Variants in KCNK5 observed in about 807,000 individuals in gnomAD.
KCNK5 encodes the protein potassium channel subfamily K member 5.
A neutral mutation model predicts 32.9 loss-of-function variants in KCNK5; 18 were observed. The ratio of observed to expected loss-of-function variants is 0.55; its 90% confidence interval spans 0.38 to 0.81. The LOEUF is 0.81. KCNK5 is among the 30% of genes least tolerant of loss of function. KCNK5 has a pLI of 0.00. For synonymous variants in KCNK5, 276 were observed against 275.3 expected, an observed-to-expected ratio of 1.00 and a Z score of -0.03; for missense variants, 507 against 651.0, an observed-to-expected ratio of 0.78 and a Z score of 2.41.
At chr6:39,222,444 G>C (rs559133076) in intron 1 of KCNK5, among the ~76,000 whole-genome samples, 1 of 152,200 alleles carries the variant, frequency 6.6e-6, no homozygotes, top group Non-Finnish European at 1.5e-5. Context: ...CTTCTTTTAA[G>C]CTGTAAATGG....
chr6:39,194,693 C>T lies in KCNK5; in HGVS notation c.366G>A (p.Gly122=), dbSNP rs142734464. ...RLFCVFYGLF[G]VPLCLTWISA... is the part of the protein sequence containing the mutation. ...TGATCCACGTCAGGCAGAGCGGCAC[C>T]CCGAAGAGACCATAGAAAACACAGA... Residue 122 remains glycine (G), a synonymous_variant, in exon 3 of 5, where the codon GGG becomes GGA. Coordinates refer to ENST00000359534, the MANE Select transcript of KCNK5 (RefSeq NM_003740.4). The surrounding 1 kb of genome is among the most constrained non-coding windows in gnomAD (Gnocchi z 4.7). The T allele has an allele frequency of 4.7e-5, 76 of 1,614,042 alleles. No homozygotes were observed. Among genetic ancestry groups the T allele is most frequent in the Middle Eastern group, 1.6e-4 (1 of 6,062 alleles).
chr6:39,221,801 T>C (rs1771557016), intron 1 of KCNK5, among the ~76,000 whole-genome samples: 1 of 151,982 alleles, frequency 6.6e-6, no homozygotes, highest in African/African-American at 2.4e-5. Context: ...AAACAGAAAA[T>C]GAATCCCCCC....
Position 39,229,220 on chromosome 6 carries a change from T to G in KCNK5, c.-109A>C. 9.0e-7 allele frequency: 1 copy of G among 1,117,192 alleles called. No homozygotes were observed. Among genetic ancestry groups the G allele is most frequent in the African/African-American group, 1.6e-5 (1 of 64,468 alleles). 69.2% of individuals were successfully genotyped at this position (1,117,192 alleles called of 1,614,324 possible). The stretch of plus-strand genomic sequence containing the variant: ...AGCTGTTTGAATTTGGAGCTCCGCA[T>G]GCGCAGTGCCCGGTACTCACCCCCC... On this transcript the variant is annotated 5_prime_UTR_variant, in exon 1 of 5. It removes an upstream start codon present in the reference 5' UTR. Coordinates refer to ENST00000359534, the MANE Select transcript of KCNK5 (RefSeq NM_003740.4).
chr6:39,218,070 CT>C (rs796153225), intron 1 of KCNK5, among the ~76,000 whole-genome samples: 6,375 of 130,296 alleles, frequency 0.049, 122 homozygotes, highest in Admixed American at 0.091. Context: ...ACTTACAGGC[CT>C]TTTTTTTTTT....
chr6:39,194,352 G>A lies in KCNK5; in HGVS notation c.466-15C>T, dbSNP rs925680031. On this transcript the variant is annotated splice_polypyrimidine_tract_variant and intron_variant, in intron 3 of 4. Transcript: ENST00000359534. The surrounding 1 kb of genome is among the most constrained non-coding windows in gnomAD (Gnocchi z 4.7). ...TGCGCCTTCCGCTGATGGGGAGCAG[G>A]AGGCCAAGTCAGAGAATAGTGGAGA... 1 of 1,589,860 alleles carries A rather than the reference G, an allele frequency of 6.3e-7. No homozygotes were observed. Among genetic ancestry groups the A allele is most frequent in the African/African-American group, 1.3e-5 (1 of 74,598 alleles).
intron 4 of KCNK5, among the ~76,000 whole-genome samples, chr6:39,193,586 G>A (rs1770979003): frequency 6.6e-6 from 1 of 152,246 alleles, no homozygotes; most frequent in Non-Finnish European, 1.5e-5. Context: ...TTCAGACAAA[G>A]GGGCCAAAGA....
At chr6:39,199,345 G>T (rs1353652396) in intron 1 of KCNK5, among the ~76,000 whole-genome samples, 1 of 152,202 alleles carries the variant, frequency 6.6e-6, no homozygotes, top group African/African-American at 2.4e-5. Flanking sequence ...GGAAGAGCTG[G>T]GCTTTCTACC....
chr6:39,191,443 C>T lies in KCNK5; in HGVS notation c.947G>A (p.Ser316Asn), dbSNP rs758235298. Residue 316 changes from serine to asparagine, a missense_variant, in exon 5 of 5, where the codon AGC becomes AAC. Ser to Asn is a conservative substitution (Grantham distance 46). Transcript: ENST00000359534. The surrounding 1 kb of genome is among the most constrained non-coding windows in gnomAD (Gnocchi z 5.8). Reference sequence around the variant, plus strand: ...GCCCGGGCCCGTCTCCCCACCCCCGCTTGTCTTCATGGCCTTCTTCCCGAT... The same window carrying T: ...GCCCGGGCCCGTCTCCCCACCCCCGTTTGTCTTCATGGCCTTCTTCCCGAT... Reference protein sequence around the residue: ...KQIGKKAMKTSGGGETGPGPG... With the variant: ...KQIGKKAMKTNGGGETGPGPG... 2 of 1,613,458 alleles carry T rather than the reference C, an allele frequency of 1.2e-6. No individual in the cohort carries two copies. The highest frequency in any genetic ancestry group is 1.7e-6 in the Non-Finnish European group (2 of 1,179,958).
Position 39,191,801 on chromosome 6 carries a change from C to G in KCNK5, c.635-46G>C, listed in dbSNP as rs764343563. ...GAGGTCAGGAAGAGTTAGCAGGGCC[C>G]GGGAAATGTGCAATGGCCAATGCTG... On this transcript the variant is annotated intron_variant, in intron 4 of 4. Coordinates refer to ENST00000359534, the MANE Select transcript of KCNK5 (RefSeq NM_003740.4). This position sits in a 1 kb window ranked among gnomAD's most constrained non-coding sequence, Gnocchi z 5.8. 1.3e-6 allele frequency: 2 copies of G among 1,578,172 alleles called. No homozygotes were observed. The highest frequency in any genetic ancestry group is 1.7e-6 in the Non-Finnish European group (2 of 1,160,946).
At chr6:39,203,545 C>T (rs946162747) in intron 1 of KCNK5, among the ~76,000 whole-genome samples, 3 of 152,230 alleles carry the variant, frequency 2.0e-5, no homozygotes, top group Non-Finnish European at 4.4e-5. Flanking sequence ...CCCCCCATCA[C>T]CCCTGGCAGC....
intron 1 of KCNK5, among the ~76,000 whole-genome samples, chr6:39,211,941 A>T (rs141337376): frequency 0.032 from 4,924 of 151,958 alleles, 134 homozygotes; most frequent in Middle Eastern, 0.075. Context: ...TCCAGCCTGG[A>T]CAACAAGAGC....
chr6:39,197,925 G>A (rs960486247), intron 1 of KCNK5, among the ~76,000 whole-genome samples: 21 of 152,222 alleles, frequency 1.4e-4, no homozygotes, highest in Non-Finnish European at 2.8e-4. Context: ...CAGAAGACAA[G>A]CTGTTCCCAT....
intron 1 of KCNK5, among the ~76,000 whole-genome samples, chr6:39,207,212 C>G (rs9471001): frequency 0.092 from 13,960 of 152,242 alleles, 822 homozygotes; most frequent in South Asian, 0.18. Context: ...ATTAAGCCTC[C>G]GTCCCGCTCC....
At chr6:39,203,715 G>T (rs1290715845) in intron 1 of KCNK5, among the ~76,000 whole-genome samples, 2 of 152,202 alleles carry the variant, frequency 1.3e-5, no homozygotes, top group African/African-American at 4.8e-5. Context: ...TCCCCTTGGA[G>T]GTTAAATAAA....
intron 1 of KCNK5, among the ~76,000 whole-genome samples, chr6:39,223,529 C>T (rs1771598202): frequency 6.6e-6 from 1 of 152,214 alleles, no homozygotes; most frequent in African/African-American, 2.4e-5. Context: ...ATGTGCTTTC[C>T]TATGGTCTCC....
chr6:39,212,002 G>GGCAGGCCAGGCACGGCGGC (rs1305854704), intron 1 of KCNK5, among the ~76,000 whole-genome samples: 20 of 151,944 alleles, frequency 1.3e-4, no homozygotes, highest in Non-Finnish European at 2.6e-4. Context: ...AAATTAAGCA[G>GGCAGGCCAGGCACGGCGGC]GCAGGCCAGG....
chr6:39,210,745 T>C (rs979142432), intron 1 of KCNK5, among the ~76,000 whole-genome samples: 1 of 151,988 alleles, frequency 6.6e-6, no homozygotes, highest in Non-Finnish European at 1.5e-5. Context: ...AAGAGGGACA[T>C]GACAGCAGAA....
chr6:39,212,037 C>T (rs1771352395), intron 1 of KCNK5, among the ~76,000 whole-genome samples: 1 of 152,100 alleles, frequency 6.6e-6, no homozygotes, highest in South Asian at 2.1e-4. Context: ...CCTGTAATCC[C>T]AGCACTTTGG....
At chr6:39,224,399 A>T (rs545307614) in intron 1 of KCNK5, among the ~76,000 whole-genome samples, 2 of 152,190 alleles carry the variant, frequency 1.3e-5, no homozygotes, top group Non-Finnish European at 2.9e-5. Context: ...AAAAAATTCA[A>T]TGTACCCCAT....
Sources: gnomAD v4.1 joint callset for allele counts (sites outside exome capture counted in the v4.1 genomes callset) on GRCh38, gnomAD v4.1.1 for gene constraint, Gnocchi (gnomAD v3.1) non-coding constraint, MANE v1.5 for transcripts, NCBI Gene and HGNC (gene_info 2026-07-23, HGNC 2026-07-21) for gene names.